Variants in CPNE1 observed in about 807,000 individuals in gnomAD.
CPNE1 encodes copine 1.
Under a neutral mutation model 63.2 loss-of-function variants are expected in CPNE1, and 58 were observed. The observed-to-expected ratio is 0.92, with a 90% CI of 0.74 to 1.14. The LOEUF is 1.14. Among genes scored for constraint, CPNE1 ranks in the 50% most tolerant of loss-of-function variants. CPNE1 has a pLI of 0.00. For synonymous variants in CPNE1, 237 were observed against 249.0 expected, an observed-to-expected ratio of 0.95 and a Z score of 0.45; for missense variants, 672 against 661.7, an observed-to-expected ratio of 1.02 and a Z score of -0.17.
In CPNE1 at chr20:35,632,520, TC is replaced by T; in HGVS notation, c.305del (p.Gly102AspfsTer9). Reference protein sequence around the residue: ...DFLGGAECSLGQIVSSQVLTL... With the variant: ...DFLGGAECSLXQIVSSQVLTL... ...CCTAATCCCCAGCCCTACATACCTG[TC>T]CTAGGGAACACTCAGCACCCCCTAG... On this transcript the variant is annotated frameshift_variant, in exon 3 of 16. Coordinates refer to ENST00000397443, the MANE Select transcript of CPNE1 (RefSeq NM_152925.3). LOFTEE classifies it high-confidence loss of function. 1 of 1,613,432 alleles carries T rather than the reference TC, an allele frequency of 6.2e-7. No individual in the cohort carries two copies. The highest frequency in any genetic ancestry group is 8.5e-7 in the Non-Finnish European group (1 of 1,179,572).
chr20:35,632,816 C>T lies in CPNE1; in HGVS notation c.108G>A (p.Val36=), dbSNP rs1473017508. The T allele has an allele frequency of 2.3e-6, 2 of 872,690 alleles. No homozygotes were observed. Among genetic ancestry groups the T allele is most frequent in the South Asian group, 1.3e-5 (1 of 76,484 alleles). 54.1% of individuals were successfully genotyped at this position (872,690 alleles called of 1,614,324 possible). A position where few individuals can be genotyped will look rare whatever the true frequency, so the allele number is the denominator to read the frequency against. The change falls in exon 2 of 16, where the codon GTG becomes GTA. Residue 36 remains valine (V), a synonymous_variant. Coordinates refer to ENST00000397443, the MANE Select transcript of CPNE1 (RefSeq NM_152925.3). ...SDPLCVLLQD[V]GGGSWAELGR... is the part of the protein sequence containing the mutation. ...TCACCTCAGCCCAGCTGCCCCCTCC[C>T]ACATCCTGTAAAAGGACGCAGAGTG...
intron 1 of CPNE1, chr20:35,652,836 G>GGGGCCA (rs2146344442): frequency 6.2e-7 from 1 of 1,606,024 alleles, no homozygotes; most frequent in South Asian, 1.1e-5. Flanking sequence ...GGCCGGGGCC[G>GGGGCCA]GGGCCAGGCC....
chr20:35,658,898 T>C (rs1479055078), intron 1 of CPNE1: 1 of 710,192 alleles, frequency 1.4e-6, no homozygotes, highest in Non-Finnish European at 2.6e-6. Flanking sequence ...TTATTTTGTA[T>C]AAAAACGAAC....
intron 4 of CPNE1, 34 bp downstream of exon 4, chr20:35,632,277 T>C (rs763669397): frequency 6.2e-7 from 1 of 1,612,978 alleles, no homozygotes; most frequent in Non-Finnish European, 8.5e-7. Context: ...TCATTGATGT[T>C]AAGTCCCTCC....
chr20:35,645,505 G>C (rs887765269), intron 1 of CPNE1, among the ~76,000 whole-genome samples: 3 of 152,216 alleles, frequency 2.0e-5, no homozygotes, highest in African/African-American at 7.2e-5. Flanking sequence ...AACTGTTGAA[G>C]AACAGGAACC....
intron 1 of CPNE1, among the ~76,000 whole-genome samples, chr20:35,655,885 T>G (rs1479529724): frequency 1.3e-5 from 2 of 152,216 alleles, no homozygotes; most frequent in Non-Finnish European, 2.9e-5. Context: ...TAAATAATAC[T>G]TAAGACTAAA....
intron 1 of CPNE1, chr20:35,648,904 T>C (rs1283428889): frequency 6.5e-6 from 1 of 152,674 alleles, no homozygotes; most frequent in Non-Finnish European, 1.5e-5. Context: ...GATAATATTA[T>C]AGCTCAGTAA....
At chr20:35,637,671 T>C (rs918455483) in intron 1 of CPNE1, among the ~76,000 whole-genome samples, 1 of 152,206 alleles carries the variant, frequency 6.6e-6, no homozygotes, top group Admixed American at 6.5e-5. Context: ...TACACACACA[T>C]TTCTGGGTTT....
chr20:35,635,911 G>C (rs1214819216), intron 1 of CPNE1, among the ~76,000 whole-genome samples: 1 of 152,132 alleles, frequency 6.6e-6, no homozygotes, highest in Non-Finnish European at 1.5e-5. Flanking sequence ...GCCCCTGCAT[G>C]AACAGTCCCA....
chr20:35,655,002 T>C, intron 1 of CPNE1: 2 of 1,614,230 alleles, frequency 1.2e-6, no homozygotes, highest in Non-Finnish European at 1.7e-6. Flanking sequence ...AGCTAGGTGG[T>C]GGTCCTGATC....
intron 13 of CPNE1, among the ~76,000 whole-genome samples, chr20:35,628,304 A>C (rs927906601): frequency 3.3e-5 from 5 of 151,608 alleles, no homozygotes; most frequent in Non-Finnish European, 7.4e-5. Context: ...AAAATAAAAA[A>C]TAAATTAAAA....
chr20:35,633,599 G>A (rs778641771), intron 1 of CPNE1, among the ~76,000 whole-genome samples: 31 of 151,972 alleles, frequency 2.0e-4, no homozygotes, highest in African/African-American at 5.8e-4. Context: ...CTCCACCTCC[G>A]TTCCCCCATG....
intron 1 of CPNE1, among the ~76,000 whole-genome samples, chr20:35,644,091 GTTAT>G (rs1269420516): frequency 6.6e-6 from 1 of 152,178 alleles, no homozygotes; most frequent in African/African-American, 2.4e-5. Context: ...ACTTTACAGT[GTTAT>G]TTGTGAGGAT....
chr20:35,650,326 TAA>T (rs2033412586), intron 1 of CPNE1: 1 of 152,294 alleles, frequency 6.6e-6, no homozygotes, highest in Admixed American at 6.5e-5. Context: ...GTAGTTGCAA[TAA>T]AGTGTATGAA....
intron 1 of CPNE1, among the ~76,000 whole-genome samples, chr20:35,648,649 T>A (rs1477481268): frequency 6.6e-6 from 1 of 152,188 alleles, no homozygotes; most frequent in Non-Finnish European, 1.5e-5. Context: ...AGATAAAAAG[T>A]TTTCAACATT....
chr20:35,661,123 C>A lies in CPNE1; in HGVS notation c.-1+3637G>T, dbSNP rs778036104. On this transcript the variant is annotated intron_variant, in intron 1 of 15. Coordinates refer to ENST00000397443, the MANE Select transcript of CPNE1 (RefSeq NM_152925.3). ...AGCAAAGAGGAATACCCACCCCACC[C>A]CATACCAAGGAAAACCATGCAGAAA... Among the ~76,000 whole-genome samples the A allele has an allele frequency of 1.9e-4, 29 of 152,184 alleles. 1 individual carries two copies. The highest frequency in any genetic ancestry group is 1.8e-3 in the Admixed American group (28 of 15,280).
chr20:35,627,387 G>A lies in CPNE1; in HGVS notation c.1129C>T (p.Arg377Cys), dbSNP rs772303395. Residue 377 changes from arginine to cysteine, a missense_variant, in exon 14 of 16, where the codon CGC becomes TGC. By Grantham distance (180) the Arg-to-Cys change is radical. Transcript: ENST00000397443. ...AGIQGIVDAY[R>C]QALPQVRLYG... is the part of the protein sequence containing the mutation. Reference sequence around the variant, plus strand: ...AGGCGAACTTGGGGCAGGGCTTGGCGGTAGGCATCCACAATGCCCTGGATG... The same window carrying A: ...AGGCGAACTTGGGGCAGGGCTTGGCAGTAGGCATCCACAATGCCCTGGATG... 63 of 1,613,896 alleles carry A rather than the reference G, an allele frequency of 3.9e-5. No individual in the cohort carries two copies. In the Middle Eastern group the frequency reaches 6.6e-4, roughly 17 times the overall value.
At chr20:35,641,702 A>G (rs17092885) in intron 1 of CPNE1, among the ~76,000 whole-genome samples, 6,823 of 152,258 alleles carry the variant, frequency 0.045, 171 homozygotes, top group African/African-American at 0.078. Flanking sequence ...CCAGCACTCA[A>G]CTTCTCACTC....
intron 14 of CPNE1, 50 bp from the exon 15 acceptor site, chr20:35,626,853 C>G (rs1323172515): frequency 7.0e-7 from 1 of 1,428,720 alleles, no homozygotes; most frequent in East Asian, 2.3e-5. Flanking sequence ...TCCTAAACCC[C>G]TGCAAACACC....
Sources: gnomAD v4.1 joint callset for allele counts (sites outside exome capture counted in the v4.1 genomes callset) on GRCh38, gnomAD v4.1.1 for gene constraint, MANE v1.5 for transcripts, NCBI Gene and HGNC (gene_info 2026-07-23, HGNC 2026-07-21) for gene names.